The following GJA8 variants were observed in gnomAD, a reference collection of about 807,000 sequenced individuals.
The protein encoded by GJA8 is gap junction alpha-8 protein.
Under a neutral mutation model 15.3 loss-of-function variants are expected in GJA8, and 13 were observed. The observed-to-expected ratio is 0.85, with a 90% confidence interval of 0.55 to 1.35. GJA8 has a LOEUF of 1.35. GJA8 is among the 40% of genes most tolerant of loss of function. The pLI, the probability that GJA8 is intolerant of heterozygous loss-of-function variation, is 0.00. For synonymous variants in GJA8, 304 were observed against 238.7 expected (o/e 1.27, Z -2.52); for missense variants, 607 against 553.3 (o/e 1.10, Z -0.97).
intron 1 of GJA8, among the ~76,000 whole-genome samples, chr1:147,905,983 A>C (rs587614689): frequency 6.6e-6 from 1 of 152,352 alleles, no homozygotes; most frequent in African/African-American, 2.4e-5. Context: ...GCTCTCCCAC[A>C]AGAAGCGAAC....
At chr1:147,912,655 T>C (rs1311570349), downstream of GJA8, among the ~76,000 whole-genome samples, 5 of 152,114 alleles carry the variant, frequency 3.3e-5, no homozygotes, top group East Asian at 1.9e-4. Context: ...TTTCTACTCC[T>C]AGTCGGTCCC....
chr1:147,912,711 A>G, downstream of GJA8, among the ~76,000 whole-genome samples: 1 of 152,082 alleles, frequency 6.6e-6, no homozygotes, highest in East Asian at 1.9e-4. Flanking sequence ...CAATAAAAAG[A>G]TGCATTAGAC....
Position 147,908,342 on chromosome 1 carries a change from C to T in GJA8, c.387C>T (p.Val129=). The change falls in exon 2 of 2, where the codon GTC becomes GTT. Residue 129 remains valine, a synonymous_variant. Transcript: ENST00000369235. ...GTNGGPDQGS[V]KKSSGSKGTK... ...ACGGCGGCCCGGACCAGGGCAGCGT[C>T]AAGAAGAGCAGCGGCAGCAAAGGCA... is the stretch of plus-strand genomic sequence containing the variant. The T allele has an allele frequency of 6.2e-7, 1 of 1,614,204 alleles. No homozygotes were observed. Among genetic ancestry groups the T allele is most frequent in the African/African-American group, 1.3e-5 (1 of 75,054 alleles).
At chr1:147,905,081 T>C (rs1553242112) in intron 1 of GJA8, among the ~76,000 whole-genome samples, 1 of 152,230 alleles carries the variant, frequency 6.6e-6, no homozygotes, top group Non-Finnish European at 1.5e-5. Flanking sequence ...ATCAATTTAC[T>C]ATCCTTTTTG....
chr1:147,908,391 A>G lies in GJA8; in HGVS notation c.436A>G (p.Thr146Ala), dbSNP rs1571176551. ...CACTAAGAAGTTCCGGCTGGAGGGG[A>G]CCCTGCTGAGGACCTACATCTGCCA... ...KGTKKFRLEG[T>A]LLRTYICHII... The change falls in exon 2 of 2, where the codon ACC becomes GCC. Residue 146 changes from threonine (T) to alanine (A), a missense_variant. Coordinates refer to ENST00000369235, the MANE Select transcript of GJA8 (RefSeq NM_005267.5). 4 of 1,613,882 alleles carry G rather than the reference A, an allele frequency of 2.5e-6. No homozygotes were observed. Among genetic ancestry groups the G allele is most frequent in the East Asian group, 4.5e-5 (2 of 44,880 alleles).
In GJA8 at chr1:147,908,968, C is replaced by A; in HGVS notation, c.1013C>A (p.Ala338Glu). 6.2e-7 allele frequency: 1 copy of A among 1,601,660 alleles called. No individual in the cohort carries two copies. Among genetic ancestry groups the A allele is most frequent in the South Asian group, 1.1e-5 (1 of 89,822 alleles). The change falls in exon 2 of 2, where the codon GCA becomes GAA. Residue 338 changes from alanine to glutamate, a missense_variant. Coordinates refer to ENST00000369235, the MANE Select transcript of GJA8 (RefSeq NM_005267.5). ...GAAGTGGAGGGCGAGGGGCCGCCTG[C>A]AGAGGAGGGAGCCGAACCCGAGGTG... ...AQEVEGEGPP[A>E]EEGAEPEVGE...
chr1:147,907,837 C>T (rs1296582146), intron 1 of GJA8, 108 bp from the exon 2 acceptor site: 3 of 803,558 alleles, frequency 3.7e-6, no homozygotes, highest in Admixed American at 1.7e-5. Flanking sequence ...GCACATTGAC[C>T]GTTCTGGCAA....
Position 147,908,257 on chromosome 1 carries a change from G to A in GJA8, c.302G>A (p.Arg101His). Residue 101 changes from arginine (R) to histidine (H), a missense_variant, in exon 2 of 2, where the codon CGC becomes CAC. By Grantham distance (29) the Arg-to-His change is conservative (BLOSUM62 0). Coordinates refer to ENST00000369235, the MANE Select transcript of GJA8 (RefSeq NM_005267.5). ...MYVGHAVHYV[R>H]MEEKRKSREA... ...GTGGGGCACGCGGTGCACTACGTCCGCATGGAGGAGAAGCGCAAAAGCCGC... is the reference window on the plus strand; with the variant it reads ...GTGGGGCACGCGGTGCACTACGTCCACATGGAGGAGAAGCGCAAAAGCCGC... 6.2e-7 allele frequency: 1 copy of A among 1,614,174 alleles called. No homozygotes were observed. The highest frequency in any genetic ancestry group is 8.5e-7 in the Non-Finnish European group (1 of 1,180,034).
chr1:147,911,419 G>A (rs1205546167), downstream of GJA8, among the ~76,000 whole-genome samples: 2 of 152,098 alleles, frequency 1.3e-5, no homozygotes, highest in Non-Finnish European at 2.9e-5. Context: ...TTGATTGTTC[G>A]GTAACTACTC....
chr1:147,903,465 G>A (rs1283435681), intron 1 of GJA8, among the ~76,000 whole-genome samples: 1 of 152,124 alleles, frequency 6.6e-6, no homozygotes, highest in African/African-American at 2.4e-5. Flanking sequence ...AGTGGTAAGT[G>A]GCCATTGAAC....
downstream of GJA8, among the ~76,000 whole-genome samples, chr1:147,910,978 C>T (rs782303948): frequency 1.3e-4 from 20 of 152,166 alleles, no homozygotes; most frequent in African/African-American, 1.7e-4. Flanking sequence ...CTCATGTACA[C>T]GTACATATTT....
chr1:147,912,744 T>A (rs997842608), downstream of GJA8, among the ~76,000 whole-genome samples: 3 of 151,842 alleles, frequency 2.0e-5, no homozygotes, highest in African/African-American at 7.3e-5. Context: ...GTAGTACAGC[T>A]CCCTCCAGAG....
At chr1:147,903,571 A>G (rs1414086091) in intron 1 of GJA8, among the ~76,000 whole-genome samples, 1 of 152,194 alleles carries the variant, frequency 6.6e-6, no homozygotes, top group Non-Finnish European at 1.5e-5. Flanking sequence ...CTAGAAGACC[A>G]GGGCTCACAG....
chr1:147,910,646 T>C (rs1208277137), downstream of GJA8, among the ~76,000 whole-genome samples: 2 of 152,220 alleles, frequency 1.3e-5, no homozygotes, highest in Non-Finnish European at 2.9e-5. Context: ...GCAGCATCAG[T>C]GCTCAGCCTA....
At chr1:147,907,858 A>T (rs1651858222) in intron 1 of GJA8, 87 bp from the exon 2 acceptor site, 1 of 918,824 alleles carries the variant, frequency 1.1e-6, no homozygotes, top group Non-Finnish European at 1.8e-6. Flanking sequence ...CTTGGAAAGG[A>T]GAGGTACCCC....
intron 1 of GJA8, among the ~76,000 whole-genome samples, chr1:147,905,763 T>C (rs1651771766): frequency 1.3e-5 from 2 of 152,228 alleles, no homozygotes; most frequent in South Asian, 2.1e-4. Flanking sequence ...AATAGATACA[T>C]GTGGCTGGGA....
rs1553242798 is a variant in GJA8, at chr1:147,908,663, GA to G, written c.710del (p.Lys237ArgfsTer4). The G allele has an allele frequency of 1.2e-6, 2 of 1,614,082 alleles. No individual in the cohort carries two copies. The highest frequency in any genetic ancestry group is 1.7e-6 in the Non-Finnish European group (2 of 1,179,960). On this transcript the variant is annotated frameshift_variant, in exon 2 of 2. Transcript: ENST00000369235. LOFTEE classifies it low-confidence loss of function (END_TRUNC). ...LGLKGIRSAL[K>X]RPVEQPLGEI... ...GCCTGAAGGGGATCCGGTCTGCCTT[GA>G]AGAGGCCTGTAGAGCAGCCCCTGGG... is the stretch of plus-strand genomic sequence containing the variant.
chr1:147,906,571 CATCCTGTG>C (rs1314764507), intron 1 of GJA8, among the ~76,000 whole-genome samples: 2 of 152,198 alleles, frequency 1.3e-5, no homozygotes, highest in South Asian at 2.1e-4. Flanking sequence ...AGACCTTCCT[CATCCTGTG>C]ACATGATTCC....
rs1298616680 is a variant in GJA8 at position 147,908,856 on chromosome 1, G to A, written c.901G>A (p.Glu301Lys). 9.3e-6 allele frequency: 15 copies of A among 1,613,964 alleles called. No homozygotes were observed. Among genetic ancestry groups the A allele is most frequent in the Middle Eastern group, 1.6e-4 (1 of 6,084 alleles). ...GCCTGCCAAGCCTTTCAATCAGTTCGAGGAGAAGATCAGCACAGGACCCCT... is the reference window on the plus strand; with the variant it reads ...GCCTGCCAAGCCTTTCAATCAGTTCAAGGAGAAGATCAGCACAGGACCCCT... ...PLPAKPFNQF[E>K]EKISTGPLGD... is the part of the protein sequence containing the mutation. The change falls in exon 2 of 2, where the codon GAG (glutamate) becomes AAG (lysine). Residue 301 changes from glutamate to lysine, a missense_variant. Transcript: ENST00000369235.
Sources: gnomAD v4.1 joint callset for allele counts (sites outside exome capture counted in the v4.1 genomes callset) on GRCh38, gnomAD v4.1.1 for gene constraint, MANE v1.5 for transcripts, NCBI Gene and HGNC (gene_info 2026-07-23, HGNC 2026-07-21) for gene names.